SENP7: variants seen among roughly 807,000 people sequenced by gnomAD.
SENP7 encodes sentrin-specific protease 7.
SENP7 carries 64 observed loss-of-function variants against 141.2 expected under a neutral mutation model. The observed-to-expected ratio is 0.45, with a 90% CI of 0.37 to 0.56. SENP7 has a LOEUF of 0.56. Among genes scored for constraint, SENP7 ranks in the 20% least tolerant of loss-of-function variants. The pLI is 0.00. For missense variants in SENP7, 1,025 were observed against 1,212.2 expected, an observed-to-expected ratio of 0.85 and a Z score of 2.29; for synonymous variants, 382 against 426.4, an observed-to-expected ratio of 0.90 and a Z score of 1.28.
chr3:101,442,282 T>A (rs556444130), intron 4 of SENP7, among the ~76,000 whole-genome samples: 2 of 152,300 alleles, frequency 1.3e-5, no homozygotes, highest in South Asian at 2.1e-4. Flanking sequence ...GGCACCAGTT[T>A]CAGGGAAGAC....
chr3:101,329,256 T>C (rs1313019842), intron 20 of SENP7, among the ~76,000 whole-genome samples: 1 of 152,222 alleles, frequency 6.6e-6, no homozygotes, highest in East Asian at 1.9e-4. Flanking sequence ...ATACAAAGTT[T>C]GCCCAACTTA....
Position 101,417,625 on chromosome 3 carries a change from T to A in SENP7, c.450A>T (p.Glu150Asp). Residue 150 changes from glutamate to aspartate, a missense_variant, in exon 5 of 24, where the codon GAA (glutamate) becomes GAT (aspartate). By Grantham distance (45) the Glu-to-Asp change is conservative. This residue lies in a region of SENP7 where 496 missense variants were observed against 503.5 expected (regional missense o/e 0.99). Coordinates refer to ENST00000394095, the MANE Select transcript of SENP7 (RefSeq NM_020654.5). The stretch of plus-strand genomic sequence containing the variant: ...ATAAATTAAGGCTTTGGCGAAGAGG[T>A]TCTAATTTTTGACATGTCTCTAGGC... ...VDSLETCQKL[E>D]PLRQSLNLSE... The A allele has an allele frequency of 1.2e-6, 2 of 1,613,884 alleles. No individual in the cohort carries two copies. The highest frequency in any genetic ancestry group is 1.7e-6 in the Non-Finnish European group (2 of 1,179,814).
rs1269469663 is a variant in SENP7 at position 101,358,011 on chromosome 3, A to G, written c.1623+3704T>C. 29 of 600,880 alleles carry G rather than the reference A, an allele frequency of 4.8e-5. No individual in the cohort carries two copies. In the Admixed American group the frequency reaches 7.6e-4, roughly 16 times the overall value. 37.2% of individuals were successfully genotyped at this position (600,880 alleles called of 1,614,324 possible). A position where few individuals can be genotyped will look rare whatever the true frequency, so the allele number is the denominator to read the frequency against. On this transcript the variant is annotated intron_variant, in intron 11 of 23. Transcript: ENST00000394095. Reference sequence around the variant, plus strand: ...AAAATTCTTATTGGAGAGAAACCATACAAGTGTGTTAAATGTGGCAAAGCC... The same window carrying G: ...AAAATTCTTATTGGAGAGAAACCATGCAAGTGTGTTAAATGTGGCAAAGCC...
rs1475971921 is a variant in SENP7, at chr3:101,448,931, C to G, written c.284+10024G>C. Among the ~76,000 whole-genome samples the G allele has an allele frequency of 2.6e-5, 4 of 152,034 alleles. No homozygotes were observed. In the East Asian group the frequency reaches 7.7e-4, roughly 29 times the overall value. ...CTTCAGAAGATCAAACTACTCCGAG[C>G]TAAAGGAGGAAGTTCGAACCCATGG... On this transcript the variant is annotated intron_variant, in intron 4 of 23. Coordinates refer to ENST00000394095, the MANE Select transcript of SENP7 (RefSeq NM_020654.5).
At chr3:101,462,296 C>T (rs957388820) in intron 3 of SENP7, among the ~76,000 whole-genome samples, 111 of 152,130 alleles carry the variant, frequency 7.3e-4, no homozygotes, top group African/African-American at 2.6e-3. Flanking sequence ...AATCCCAGCA[C>T]TTGGAGAGGC....
intron 3 of SENP7, among the ~76,000 whole-genome samples, chr3:101,462,899 G>A (rs1165813315): frequency 6.6e-6 from 1 of 151,342 alleles, no homozygotes; most frequent in African/African-American, 2.4e-5. Context: ...TAAGAATAAA[G>A]GAAAAGACTG....
intron 3 of SENP7, among the ~76,000 whole-genome samples, chr3:101,463,509 C>A (rs531430566): frequency 1.1e-4 from 16 of 150,738 alleles, no homozygotes; most frequent in Non-Finnish European, 1.8e-4. Flanking sequence ...CTCTGCTTCT[C>A]CCACTGAGTG....
chr3:101,463,378 T>TATATATATATATATAC (rs1553744687), intron 3 of SENP7, among the ~76,000 whole-genome samples: 938 of 84,040 alleles, frequency 0.011, 5 homozygotes, highest in Non-Finnish European at 0.015. Flanking sequence ...TATATATATA[T>TATATATATATATATAC]ATATATATAT....
chr3:101,357,539 G>C, intron 11 of SENP7: 1 of 1,415,640 alleles, frequency 7.1e-7, no homozygotes, highest in Non-Finnish European at 9.5e-7. Context: ...TTTCCAAAAA[G>C]TGATACTGAG....
chr3:101,467,259 G>C (rs1204965888), intron 3 of SENP7, among the ~76,000 whole-genome samples: 1 of 152,246 alleles, frequency 6.6e-6, no homozygotes, highest in African/African-American at 2.4e-5. Flanking sequence ...GCAGGGCATG[G>C]CTGAACAAAA....
At chr3:101,381,387 G>A (rs572492003) in intron 6 of SENP7, among the ~76,000 whole-genome samples, 2 of 151,938 alleles carry the variant, frequency 1.3e-5, no homozygotes, top group South Asian at 4.2e-4. Flanking sequence ...ATCAAAAGAG[G>A]ATAGTGTGAA....
chr3:101,454,399 C>T (rs2063272834), intron 4 of SENP7, among the ~76,000 whole-genome samples: 2 of 152,066 alleles, frequency 1.3e-5, no homozygotes, highest in Admixed American at 6.6e-5. Context: ...GTAGTCCCAA[C>T]TACTTGGTGG....
chr3:101,380,551 C>T (rs1022636927), intron 6 of SENP7, among the ~76,000 whole-genome samples: 1 of 150,574 alleles, frequency 6.6e-6, no homozygotes, highest in Admixed American at 6.6e-5. Context: ...TGACTTGAGG[C>T]CAGGAGTTCA....
intron 16 of SENP7, among the ~76,000 whole-genome samples, chr3:101,338,251 G>C (rs2059240125): frequency 6.6e-6 from 1 of 151,846 alleles, no homozygotes; most frequent in South Asian, 2.1e-4. Context: ...GAAAAATAAA[G>C]TACCTGCCCC....
intron 6 of SENP7, among the ~76,000 whole-genome samples, chr3:101,375,467 G>A (rs995727439): frequency 2.7e-5 from 4 of 148,626 alleles, no homozygotes; most frequent in Non-Finnish European, 5.9e-5. Context: ...GCTTGAACCC[G>A]GGAGGCGGAG....
chr3:101,379,117 A>C (rs1207178292), intron 6 of SENP7, among the ~76,000 whole-genome samples: 1 of 152,184 alleles, frequency 6.6e-6, no homozygotes, highest in Non-Finnish European at 1.5e-5. Context: ...AAGGGTACCA[A>C]GACCATTCAA....
At chr3:101,381,425 G>A (rs1029223373) in intron 6 of SENP7, among the ~76,000 whole-genome samples, 3 of 151,858 alleles carry the variant, frequency 2.0e-5, no homozygotes, top group African/African-American at 4.8e-5. Context: ...TATTTTTCAT[G>A]ATTATAATCA....
rs2061044247 is a variant in SENP7, at chr3:101,398,710, T to C, written c.677+151A>G. The C allele has an allele frequency of 8.8e-6, 5 of 567,414 alleles. No individual in the cohort carries two copies. In the East Asian group the frequency reaches 1.5e-4, roughly 17 times the overall value. The allele number at this position is 567,414 out of a possible 1,614,324, so 35.1% of individuals were successfully genotyped here. ...ATTAGCCATGGACTGTTGGTTCCAA[T>C]AGCCATTCCAGCCACCCGGGGAGAA... On this transcript the variant is annotated intron_variant, in intron 6 of 23. Coordinates refer to ENST00000394095, the MANE Select transcript of SENP7 (RefSeq NM_020654.5).
At chr3:101,381,620 A>G (rs2060505189) in intron 6 of SENP7, among the ~76,000 whole-genome samples, 1 of 152,058 alleles carries the variant, frequency 6.6e-6, no homozygotes, top group Non-Finnish European at 1.5e-5. Flanking sequence ...GATAATAATG[A>G]AATATTATTT....
Sources: allele counts gnomAD v4.1 joint callset (sites outside exome capture counted in the v4.1 genomes callset), GRCh38; gene constraint gnomAD v4.1.1; regional missense constraint gnomAD v4.1.1; transcripts MANE v1.5; gene names NCBI Gene and HGNC (gene_info 2026-07-23, HGNC 2026-07-21).